Variants in PTBP3 observed in about 807,000 individuals in gnomAD.
PTBP3 encodes polypyrimidine tract binding protein 3.
A neutral mutation model predicts 58.7 loss-of-function variants in PTBP3; 20 were observed. That is an observed-to-expected ratio of 0.34 (90% CI 0.24 to 0.50). The LOEUF (loss-of-function observed/expected upper bound fraction) is 0.50, where lower values mean the gene tolerates loss of function less well. PTBP3 is among the 20% of genes least tolerant of loss of function. PTBP3 has a pLI of 0.98. For synonymous variants in PTBP3, 185 were observed against 219.8 expected, an observed-to-expected ratio of 0.84 and a Z score of 1.40; for missense variants, 509 against 637.2, an observed-to-expected ratio of 0.80 and a Z score of 2.17.
intron 5 of PTBP3, among the ~76,000 whole-genome samples, chr9:112,253,288 AT>A (rs1836207531): frequency 6.6e-6 from 1 of 152,224 alleles, no homozygotes; most frequent in Non-Finnish European, 1.5e-5. Flanking sequence ...ATATCCTAAT[AT>A]CTGGTGATTT....
intron 6 of PTBP3, among the ~76,000 whole-genome samples, chr9:112,251,939 C>T (rs1262859054): frequency 6.6e-6 from 1 of 151,958 alleles, no homozygotes; most frequent in Non-Finnish European, 1.5e-5. Context: ...CTGTGTGGTA[C>T]ACAAAAGTAC....
chr9:112,379,724 C>T, the PTBP3 span, among the ~76,000 whole-genome samples: 2 of 152,318 alleles, frequency 1.3e-5, no homozygotes, highest in South Asian at 2.1e-4. Flanking sequence ...CTCGGAGGGC[C>T]CAAGCTCAGG....
At chr9:112,238,160 A>C (rs1352840397) in intron 7 of PTBP3, among the ~76,000 whole-genome samples, 1 of 152,206 alleles carries the variant, frequency 6.6e-6, no homozygotes, top group African/African-American at 2.4e-5. Context: ...AGAAAATTGC[A>C]AAAAATCTGA....
At chr9:112,247,536 T>G (rs1367474379) in intron 7 of PTBP3, among the ~76,000 whole-genome samples, 1 of 135,748 alleles carries the variant, frequency 7.4e-6, no homozygotes, top group African/African-American at 3.1e-5. Flanking sequence ...AGACTCCATC[T>G]CCACAAAAAA....
At chr9:112,265,717 G>A (rs1388685902) in intron 4 of PTBP3, among the ~76,000 whole-genome samples, 1 of 152,308 alleles carries the variant, frequency 6.6e-6, no homozygotes, top group East Asian at 1.9e-4. Context: ...GACTGTGCAT[G>A]AGTGTGTGTA....
chr9:112,353,754 G>C, the PTBP3 span, among the ~76,000 whole-genome samples: 1 of 151,580 alleles, frequency 6.6e-6, no homozygotes, highest in Admixed American at 6.6e-5. Context: ...TCAGGAGTTG[G>C]AGACCAGCCT....
chr9:112,305,538 T>C (rs1171302102), intron 1 of PTBP3, among the ~76,000 whole-genome samples: 2 of 152,172 alleles, frequency 1.3e-5, no homozygotes, highest in Non-Finnish European at 2.9e-5. Context: ...GCTGGGGAAG[T>C]AATGTGTCCA....
At chr9:112,238,678 G>GA (rs1260787704) in intron 7 of PTBP3, among the ~76,000 whole-genome samples, 5 of 146,618 alleles carry the variant, frequency 3.4e-5, no homozygotes, top group Non-Finnish European at 7.5e-5. Context: ...AGAACAGCCA[G>GA]AAAAAACAGA....
intron 2 of PTBP3, among the ~76,000 whole-genome samples, chr9:112,295,529 A>G (rs1223313460): frequency 6.6e-6 from 1 of 150,854 alleles, no homozygotes; most frequent in Admixed American, 6.6e-5. Context: ...ACATCTAGCT[A>G]TAATGAAGAA....
At chr9:112,370,738 A>G in the PTBP3 span, among the ~76,000 whole-genome samples, 1 of 152,134 alleles carries the variant, frequency 6.6e-6, no homozygotes, top group African/African-American at 2.4e-5. Flanking sequence ...GTAATTTGAC[A>G]ATTTTAAGTC....
the PTBP3 span, among the ~76,000 whole-genome samples, chr9:112,343,346 T>C: frequency 6.6e-6 from 1 of 151,046 alleles, no homozygotes; most frequent in Admixed American, 6.6e-5. Context: ...GTAGCTGGGA[T>C]TACAGGTGCC....
the PTBP3 span, among the ~76,000 whole-genome samples, chr9:112,378,870 T>TA: frequency 2.0e-5 from 3 of 151,950 alleles, no homozygotes; most frequent in South Asian, 2.1e-4. Flanking sequence ...CAGGAGGAAA[T>TA]AGAGTCATTT....
chr9:112,288,148 T>C (rs1042398270), intron 2 of PTBP3, among the ~76,000 whole-genome samples: 1 of 152,250 alleles, frequency 6.6e-6, no homozygotes, highest in Non-Finnish European at 1.5e-5. Flanking sequence ...GCCTTCATGC[T>C]GGAGCTAGTT....
At chr9:112,297,774 T>C in intron 2 of PTBP3, 58 bp downstream of exon 2, 5 of 1,371,006 alleles carry the variant, frequency 3.6e-6, no homozygotes, top group Non-Finnish European at 5.0e-6. Flanking sequence ...AAGAGCATTG[T>C]AAAAAAACAA....
At chr9:112,241,338 A>C (rs1835653576) in intron 7 of PTBP3, among the ~76,000 whole-genome samples, 1 of 152,170 alleles carries the variant, frequency 6.6e-6, no homozygotes, top group African/African-American at 2.4e-5. Flanking sequence ...TCTGGACCTC[A>C]AGTGATCCAC....
intron 2 of PTBP3, among the ~76,000 whole-genome samples, chr9:112,285,854 A>C (rs1828091120): frequency 6.6e-6 from 1 of 152,234 alleles, no homozygotes; most frequent in Non-Finnish European, 1.5e-5. Flanking sequence ...CCCCTGTTCT[A>C]TACCTTTACT....
At chr9:112,294,363 A>G (rs1828576745) in intron 2 of PTBP3, among the ~76,000 whole-genome samples, 1 of 152,060 alleles carries the variant, frequency 6.6e-6, no homozygotes, top group Non-Finnish European at 1.5e-5. Flanking sequence ...TACAGAAAAT[A>G]AAAAATTAGC....
chr9:112,356,837 C>A, the PTBP3 span, among the ~76,000 whole-genome samples: 1 of 147,168 alleles, frequency 6.8e-6, no homozygotes, highest in East Asian at 2.0e-4. Context: ...TTGGCCCCAA[C>A]CATTTCATTT....
chr9:112,364,379 C>T, the PTBP3 span, among the ~76,000 whole-genome samples: 2 of 152,032 alleles, frequency 1.3e-5, no homozygotes, highest in African/African-American at 4.8e-5. Context: ...TACCAGGGGG[C>T]CAGGCACCAT....
Sources: allele counts gnomAD v4.1 joint callset (sites outside exome capture counted in the v4.1 genomes callset), GRCh38; gene constraint gnomAD v4.1.1; transcripts MANE v1.5; gene names NCBI Gene and HGNC (gene_info 2026-07-23, HGNC 2026-07-21).